Variants in NSUN6 observed in about 807,000 individuals in gnomAD.
NSUN6 encodes the protein NOP2/Sun RNA methyltransferase 6, also known as tRNA (cytosine(72)-C(5))-methyltransferase NSUN6.
NSUN6 carries 64 observed loss-of-function variants against 58.0 expected under a neutral mutation model. That is an observed-to-expected ratio of 1.10 (90% confidence interval 0.90 to 1.36). The LOEUF (loss-of-function observed/expected upper bound fraction) is 1.36, where lower values mean the gene tolerates loss of function less well. Among genes scored for constraint, NSUN6 ranks in the 40% most tolerant of loss-of-function variants. The probability of loss-of-function intolerance (pLI) is 0.00; values close to 1 mark genes in which losing one functional copy is unlikely to be tolerated. For synonymous variants in NSUN6, 231 were observed against 193.9 expected, an observed-to-expected ratio of 1.19 and a Z score of -1.59; for missense variants, 701 against 550.1, an observed-to-expected ratio of 1.27 and a Z score of -2.74.
At chr10:18,567,222 C>G (rs1211873425) in intron 8 of NSUN6, among the ~76,000 whole-genome samples, 1 of 150,832 alleles carries the variant, frequency 6.6e-6, no homozygotes, top group Non-Finnish European at 1.5e-5. Context: ...CCATTCCCTT[C>G]TATTCTCCAT....
intron 9 of NSUN6, among the ~76,000 whole-genome samples, chr10:18,550,271 T>C (rs1259345987): frequency 6.6e-6 from 1 of 152,220 alleles, no homozygotes; most frequent in African/African-American, 2.4e-5. Flanking sequence ...GTTTCCTTTT[T>C]GCTGCTTGCT....
intron 4 of NSUN6, 103 bp from the exon 5 acceptor site, chr10:18,614,716 G>C: frequency 4.4e-6 from 2 of 454,886 alleles, no homozygotes; most frequent in Non-Finnish European, 7.3e-6. Context: ...ATCAATAGTG[G>C]GCATGAAGCA....
chr10:18,651,862 G>C (rs2059716011), upstream of NSUN6: 1 of 985,330 alleles, frequency 1.0e-6, no homozygotes, highest in Admixed American at 6.1e-5. Context: ...GGGGCAATGG[G>C]GAAACAGCCA....
intron 3 of NSUN6, among the ~76,000 whole-genome samples, chr10:18,633,350 A>G (rs1274823086): frequency 6.6e-6 from 1 of 151,784 alleles, no homozygotes; most frequent in African/African-American, 2.4e-5. Context: ...CCAGCATGGC[A>G]CATGTATACA....
intron 8 of NSUN6, among the ~76,000 whole-genome samples, chr10:18,565,522 C>CCATTA (rs949357605): frequency 2.0e-5 from 3 of 151,072 alleles, no homozygotes; most frequent in African/African-American, 4.9e-5. Flanking sequence ...ACTCCATTTT[C>CCATTA]CATTACATTA....
At chr10:18,640,229 G>A (rs1030448082) in intron 3 of NSUN6, among the ~76,000 whole-genome samples, 5 of 152,146 alleles carry the variant, frequency 3.3e-5, no homozygotes, top group African/African-American at 1.2e-4. Flanking sequence ...GTGCATTCAT[G>A]TATGCAGCTA....
intron 8 of NSUN6, among the ~76,000 whole-genome samples, chr10:18,573,019 TATTCC>T (rs2056459712): frequency 6.8e-6 from 1 of 147,502 alleles, no homozygotes; most frequent in Admixed American, 6.7e-5. Flanking sequence ...TTCTCCACTG[TATTCC>T]ATTCTTCATT....
At chr10:18,637,300 A>G (rs972587177) in intron 3 of NSUN6, among the ~76,000 whole-genome samples, 1 of 152,150 alleles carries the variant, frequency 6.6e-6, no homozygotes, top group Non-Finnish European at 1.5e-5. Flanking sequence ...TGAATTTACA[A>G]TCCTAAATAA....
chr10:18,587,155 C>A (rs4445544), intron 7 of NSUN6, among the ~76,000 whole-genome samples: 40,613 of 152,082 alleles, frequency 0.27, 5,622 homozygotes, highest in South Asian at 0.35. Flanking sequence ...CTTCGAAAGA[C>A]ACTTAAAAAC....
intron 3 of NSUN6, among the ~76,000 whole-genome samples, chr10:18,619,393 A>C (rs1478862487): frequency 6.6e-6 from 1 of 152,160 alleles, no homozygotes; most frequent in East Asian, 1.9e-4. Context: ...ACTTTTAATT[A>C]CTGCCTTGTA....
chr10:18,605,038 A>T (rs1427956673), intron 6 of NSUN6, among the ~76,000 whole-genome samples: 2 of 151,604 alleles, frequency 1.3e-5, no homozygotes, highest in African/African-American at 4.8e-5. Flanking sequence ...GGCGTCCGCC[A>T]CCACGCCCAG....
upstream of NSUN6, chr10:18,658,453 T>C (rs1414449234): frequency 1.3e-5 from 2 of 154,660 alleles, no homozygotes; most frequent in African/African-American, 2.4e-5. Context: ...ACATTCAGTT[T>C]CGTTTCATGC....
chr10:18,645,157 CAAAAAAAAAAAAA>C (rs71402191), intron 2 of NSUN6, among the ~76,000 whole-genome samples: 1 of 106,304 alleles, frequency 9.4e-6, no homozygotes, highest in African/African-American at 3.5e-5. Flanking sequence ...GACTCCCTCT[CAAAAAAAAAAAAA>C]AAAAAAAAGA....
chr10:18,641,647 G>C (rs2059393741), intron 3 of NSUN6, among the ~76,000 whole-genome samples: 1 of 149,682 alleles, frequency 6.7e-6, no homozygotes, highest in Admixed American at 6.7e-5. Flanking sequence ...TGGGATAACA[G>C]GAATAAGTAA....
At chr10:18,593,151 A>C (rs1589988522) in intron 7 of NSUN6, among the ~76,000 whole-genome samples, 1 of 152,242 alleles carries the variant, frequency 6.6e-6, no homozygotes, top group East Asian at 1.9e-4. Flanking sequence ...CAAAACCACA[A>C]TGAGATACCA....
At chr10:18,657,858 C>T (rs1261437936), upstream of NSUN6, among the ~76,000 whole-genome samples, 2 of 152,094 alleles carry the variant, frequency 1.3e-5, no homozygotes, top group African/African-American at 2.4e-5. Flanking sequence ...GTGATCCACC[C>T]GCCTCAGCCT....
At chr10:18,560,730 AGAATGGAATAGAGAATG>A (rs1372476346) in intron 8 of NSUN6, among the ~76,000 whole-genome samples, 86 of 150,848 alleles carry the variant, frequency 5.7e-4, no homozygotes, top group African/African-American at 1.3e-3. Flanking sequence ...AATGGAATGG[AGAATGGAATAGAGAATG>A]GAATGGAATA....
At chr10:18,556,325 G>GAATGGAGAATGGAAT (rs377362445) in intron 8 of NSUN6, among the ~76,000 whole-genome samples, 1 of 151,424 alleles carries the variant, frequency 6.6e-6, no homozygotes, top group Non-Finnish European at 1.5e-5. Flanking sequence ...GAATGGAATG[G>GAATGGAGAATGGAAT]GGAATGTAAT....
At position 18,548,108 on chromosome 10, in the gene NSUN6, C is replaced by T; in HGVS notation, c.1197+4G>A. The stretch of plus-strand genomic sequence containing the variant: ...TACACAGAGAAAAATGAAATTACTC[C>T]TACCTGGGGCTGAAGCTGAAGGCAA... On this transcript the variant is annotated splice_donor_region_variant and intron_variant, in intron 10 of 10. Transcript: ENST00000377304. 6.2e-7 allele frequency: 1 copy of T among 1,613,382 alleles called. No individual in the cohort carries two copies. Among genetic ancestry groups the T allele is most frequent in the Non-Finnish European group, 8.5e-7 (1 of 1,179,640 alleles).
Sources: allele counts gnomAD v4.1 joint callset (sites outside exome capture counted in the v4.1 genomes callset), GRCh38; gene constraint gnomAD v4.1.1; transcripts MANE v1.5; gene names NCBI Gene and HGNC (gene_info 2026-07-23, HGNC 2026-07-21).